The following FGF13 variants were observed in gnomAD, a reference collection of about 807,000 sequenced individuals.
The protein encoded by FGF13 is fibroblast growth factor homologous factor 2.
FGF13 carries 2 observed loss-of-function variants against 19.5 expected under a neutral mutation model. The ratio of observed to expected loss-of-function variants is 0.10; its 90% confidence interval spans 0.04 to 0.32. The LOEUF (loss-of-function observed/expected upper bound fraction) is 0.32, where lower values mean the gene tolerates loss of function less well. FGF13 is among the 10% of genes least tolerant of loss of function. The probability of loss-of-function intolerance (pLI) is 1.00; values close to 1 mark genes in which losing one functional copy is unlikely to be tolerated. For synonymous variants in FGF13, 72 were observed against 76.9 expected (o/e 0.94, Z 0.33); for missense variants, 113 against 192.7 (o/e 0.59, Z 2.45).
intron 1 of FGF13, among the ~76,000 whole-genome samples, chrX:139,128,666 T>C (rs2083736713): frequency 8.9e-6 from 1 of 112,522 alleles, no homozygotes; most frequent in Non-Finnish European, 1.9e-5. Flanking sequence ...TCCTCATTTA[T>C]GAAATGATAA....
chrX:138,877,427 T>G (rs190923957), intron 1 of FGF13, among the ~76,000 whole-genome samples: 1 of 112,055 alleles, frequency 8.9e-6, no homozygotes, highest in East Asian at 2.8e-4. Context: ...GGGAATTTTT[T>G]ATTGTGGTAA....
At chrX:139,118,419 A>G (rs1194080156) in intron 1 of FGF13, among the ~76,000 whole-genome samples, 1 of 111,728 alleles carries the variant, frequency 9.0e-6, no homozygotes, top group Non-Finnish European at 1.9e-5. Context: ...TCAAACCATC[A>G]TAAGTTAGGA....
At chrX:138,683,251 G>C (rs997995947) in intron 3 of FGF13, among the ~76,000 whole-genome samples, 8 of 111,098 alleles carry the variant, frequency 7.2e-5, no homozygotes, top group African/African-American at 2.3e-4. Context: ...AACACAGTAA[G>C]ATCAATGATT....
chrX:138,834,278 T>C (rs2091095344), intron 3 of FGF13, among the ~76,000 whole-genome samples: 1 of 111,936 alleles, frequency 8.9e-6, no homozygotes, highest in Admixed American at 9.5e-5. Context: ...CCTCTGGTCC[T>C]GGACTTTTAT....
intron 3 of FGF13, among the ~76,000 whole-genome samples, chrX:138,778,824 G>A (rs1056777214): frequency 5.3e-5 from 6 of 112,715 alleles, no homozygotes; most frequent in Non-Finnish European, 9.4e-5. Context: ...CACAGCTCAA[G>A]GAGGCCTGCC....
chrX:138,702,199 T>TA (rs2089953494), intron 3 of FGF13, among the ~76,000 whole-genome samples: 1 of 110,336 alleles, frequency 9.1e-6, no homozygotes, highest in African/African-American at 3.3e-5. Flanking sequence ...ATAAATAAAT[T>TA]AATTAATTAA....
chrX:138,712,631 A>C (rs1482954528), upstream of FGF13, among the ~76,000 whole-genome samples: 1 of 111,698 alleles, frequency 9.0e-6, no homozygotes, highest in Non-Finnish European at 1.9e-5. Flanking sequence ...CCAGAAATGC[A>C]GCAAAGAGAA....
chrX:138,853,324 T>C (rs964473468), downstream of FGF13, among the ~76,000 whole-genome samples: 9 of 112,003 alleles, frequency 8.0e-5, no homozygotes, highest in East Asian at 2.5e-3. Context: ...TCAGCATTCC[T>C]CTGACTTCTT....
chrX:139,154,582 G>C (rs1384427236), intron 1 of FGF13, among the ~76,000 whole-genome samples: 2 of 112,007 alleles, frequency 1.8e-5, no homozygotes, highest in Non-Finnish European at 3.8e-5. Context: ...GCAAAATGTA[G>C]CCATTAAATG....
At chrX:138,983,429 T>TATATATATAC (rs2091972687) in intron 1 of FGF13, among the ~76,000 whole-genome samples, 1 of 102,340 alleles carries the variant, frequency 9.8e-6, no homozygotes, top group African/African-American at 3.5e-5. Flanking sequence ...TATATATATA[T>TATATATATAC]ATATGAGTTT....
At chrX:139,089,169 A>G (rs5976267) in intron 1 of FGF13, among the ~76,000 whole-genome samples, 5,187 of 111,821 alleles carry the variant, frequency 0.046, 314 homozygotes, top group African/African-American at 0.16. Context: ...TGTGTGTTGG[A>G]GAGAAAGTGG....
chrX:138,943,155 C>A (rs2091766869), intron 1 of FGF13, among the ~76,000 whole-genome samples: 1 of 112,113 alleles, frequency 8.9e-6, no homozygotes, highest in Non-Finnish European at 1.9e-5. Flanking sequence ...AGGGACTGGG[C>A]AATCTGTTCC....
At chrX:138,714,363 T>C (rs2090081585), upstream of FGF13, 1 of 112,368 alleles carries the variant, frequency 8.9e-6, no homozygotes, top group Non-Finnish European at 1.9e-5. Context: ...ATGCAGATAT[T>C]GGCCAGGCGT....
intron 1 of FGF13, among the ~76,000 whole-genome samples, chrX:139,121,070 T>A (rs1325429561): frequency 8.9e-6 from 1 of 112,338 alleles, no homozygotes; most frequent in African/African-American, 3.2e-5. Context: ...GGGAGAAGCC[T>A]ATAATCATTT....
At chrX:139,022,487 G>A (rs1212670436) in intron 1 of FGF13, among the ~76,000 whole-genome samples, 2 of 111,492 alleles carry the variant, frequency 1.8e-5, no homozygotes, top group Non-Finnish European at 3.8e-5. Flanking sequence ...CCTCTACTCC[G>A]TCAAGTCCCT....
At chrX:138,992,434 T>G (rs1301447504) in intron 1 of FGF13, among the ~76,000 whole-genome samples, 1 of 111,294 alleles carries the variant, frequency 9.0e-6, no homozygotes, top group African/African-American at 3.3e-5. Flanking sequence ...CAACAAACCT[T>G]AAGAGGAAAT....
rs181887472 is a variant in FGF13, at chrX:138,615,058, A to G, written c.*17792T>C. 9.8e-5 allele frequency: 11 copies of G among 112,069 alleles called. No individual in the cohort carries two copies. The East Asian group carries it at 2.8e-3, about 28-fold the overall frequency. 9.2% of individuals were successfully genotyped at this position (112,069 alleles called of 1,213,427 possible). ...AAAAGGATGACAGGGAGATGTTTAT[A>G]AAGGAATAGCACAAGGGATCTTAGT... On this transcript the variant is annotated 3_prime_UTR_variant, in exon 5 of 5. Transcript: ENST00000315930.
chrX:138,987,450 T>C (rs1016276348), intron 1 of FGF13, among the ~76,000 whole-genome samples: 3 of 111,858 alleles, frequency 2.7e-5, no homozygotes, highest in Non-Finnish European at 3.8e-5. Context: ...AGATGTGCAG[T>C]TCCACAGAGG....
intron 3 of FGF13, among the ~76,000 whole-genome samples, chrX:138,645,726 G>C (rs1275148479): frequency 8.9e-6 from 1 of 112,251 alleles, no homozygotes; most frequent in Non-Finnish European, 1.9e-5. Flanking sequence ...GAGAAGAAAA[G>C]CACCTTTCCA....
Sources: allele counts gnomAD v4.1 joint callset (sites outside exome capture counted in the v4.1 genomes callset), GRCh38; gene constraint gnomAD v4.1.1; transcripts MANE v1.5; gene names NCBI Gene and HGNC (gene_info 2026-07-23, HGNC 2026-07-21).